Variants in GMDS observed in about 807,000 individuals in gnomAD.
GMDS encodes the protein GDP-mannose 4,6 dehydratase.
A neutral mutation model predicts 49.9 loss-of-function variants in GMDS; 20 were observed. The observed-to-expected ratio is 0.40, with a 90% confidence interval of 0.28 to 0.58. The LOEUF (loss-of-function observed/expected upper bound fraction) is 0.58, where lower values mean the gene tolerates loss of function less well. Among genes scored for constraint, GMDS ranks in the 20% least tolerant of loss-of-function variants. The pLI is 0.42. For missense variants in GMDS, 362 were observed against 481.4 expected, an observed-to-expected ratio of 0.75 and a Z score of 2.32; for synonymous variants, 177 against 178.6, an observed-to-expected ratio of 0.99 and a Z score of 0.07.
At position 1,640,580 on chromosome 6, in the gene GMDS, G is replaced by A. The variant is rs934546012; in HGVS notation, c.988-16040C>T. On this transcript the variant is annotated intron_variant, in intron 9 of 10. Coordinates refer to ENST00000380815, the MANE Select transcript of GMDS (RefSeq NM_001500.4). The surrounding 1 kb of genome is among the most constrained non-coding windows in gnomAD (Gnocchi z 4.0). ...ATGTGGCTGTGCCTTCTAGGTGCCC[G>A]TTTTGGAGAGAATACATTTCTTATA... Among the ~76,000 whole-genome samples, 12 of 152,170 alleles carry A rather than the reference G, an allele frequency of 7.9e-5. No homozygotes were observed. Among genetic ancestry groups the A allele is most frequent in the African/African-American group, 1.9e-4 (8 of 41,436 alleles).
chr6:1,957,761 T>A (rs761729358), intron 6 of GMDS, among the ~76,000 whole-genome samples: 3 of 152,214 alleles, frequency 2.0e-5, no homozygotes, highest in Admixed American at 6.5e-5. Context: ...AAAATTTTAT[T>A]TTAAATGAAG....
At chr6:1,730,235 C>T (rs1324261045) in intron 8 of GMDS, among the ~76,000 whole-genome samples, 1 of 152,202 alleles carries the variant, frequency 6.6e-6, no homozygotes, top group Non-Finnish European at 1.5e-5. Context: ...GGTTTTCACA[C>T]ACTTTTGCTC....
chr6:1,726,743 G>A (rs535165340), intron 8 of GMDS, among the ~76,000 whole-genome samples: 40 of 152,262 alleles, frequency 2.6e-4, no homozygotes, highest in African/African-American at 6.7e-4. Flanking sequence ...AAATCATGAC[G>A]AATTCAGAAG....
At chr6:1,746,016 C>T (rs370936250) in intron 7 of GMDS, among the ~76,000 whole-genome samples, 2 of 152,332 alleles carry the variant, frequency 1.3e-5, no homozygotes, top group South Asian at 4.1e-4. Context: ...CCTCCTTATA[C>T]AGCTGCACAC....
intron 2 of GMDS, 106 bp downstream of exon 2, chr6:2,124,581 G>A (rs991688087): frequency 3.9e-5 from 33 of 843,240 alleles, no homozygotes; most frequent in Admixed American, 3.7e-4. Flanking sequence ...TGTTATCTGC[G>A]TTTCAGTGGA....
At chr6:1,995,452 A>T (rs552992572) in intron 4 of GMDS, among the ~76,000 whole-genome samples, 304 of 152,298 alleles carry the variant, frequency 2.0e-3, no homozygotes, top group African/African-American at 7.2e-3. Flanking sequence ...CAAAAACTCC[A>T]ATAGAGAGTG....
At chr6:1,816,482 G>T (rs1308665941) in intron 7 of GMDS, among the ~76,000 whole-genome samples, 1 of 152,042 alleles carries the variant, frequency 6.6e-6, no homozygotes, top group Non-Finnish European at 1.5e-5. Context: ...CCATTAATTC[G>T]ATTTATTCAT....
chr6:1,827,076 ATATGTGTGTGTGTGTGTGTGTGTGTG>A lies in GMDS; in HGVS notation c.772-84516_772-84491del, dbSNP rs1771145369. On this transcript the variant is annotated intron_variant, in intron 7 of 10. Transcript: ENST00000380815. ...GCTACGCTGTCTCTTAAAAAAATAT[ATATGTGTGTGTGTGTGTGTGTGTGTG>A]TGTGTGTGTGTGTGTGTGTATGTGT... is the stretch of plus-strand genomic sequence containing the variant. 2.7e-5 allele frequency among the ~76,000 whole-genome samples: 3 copies of A among 111,116 alleles called. No homozygotes were observed. In the Admixed American group the frequency reaches 2.8e-4, roughly 10 times the overall value. The allele number at this position is 111,116 out of a possible 152,430, so 72.9% of individuals were successfully genotyped here. A position where few individuals can be genotyped will look rare whatever the true frequency, so the allele number is the denominator to read the frequency against.
chr6:1,932,823 C>A (rs1037601670), intron 6 of GMDS, among the ~76,000 whole-genome samples: 1 of 152,196 alleles, frequency 6.6e-6, no homozygotes, highest in Non-Finnish European at 1.5e-5. Context: ...CAGGCATGAG[C>A]CACCGCGCCC....
In GMDS at chr6:2,029,089, A is replaced by T. The variant is rs764975933; in HGVS notation, c.346-68123T>A. Among the ~76,000 whole-genome samples the T allele has an allele frequency of 2.0e-5, 3 of 151,986 alleles. 1 individual carries two copies. The highest frequency in any genetic ancestry group is 4.4e-5 in the Non-Finnish European group (3 of 67,994). ...AAATAGATAATTATATATGTTTAAG[A>T]ACTGGAAAGCATTTTGTTAAAGTTT... On this transcript the variant is annotated intron_variant, in intron 4 of 10. Coordinates refer to ENST00000380815, the MANE Select transcript of GMDS (RefSeq NM_001500.4).
intron 7 of GMDS, among the ~76,000 whole-genome samples, chr6:1,804,590 T>C (rs918566244): frequency 5.3e-5 from 8 of 152,262 alleles, no homozygotes; most frequent in African/African-American, 1.7e-4. Context: ...TCAGATCTCC[T>C]ATGTGTCATG....
At chr6:1,729,232 G>T (rs1766702588) in intron 8 of GMDS, among the ~76,000 whole-genome samples, 1 of 152,170 alleles carries the variant, frequency 6.6e-6, no homozygotes, top group Admixed American at 6.5e-5. Flanking sequence ...AAGGCTGAAG[G>T]AGAAACACTC....
At chr6:1,789,645 C>G (rs1247969700) in intron 7 of GMDS, among the ~76,000 whole-genome samples, 1 of 151,782 alleles carries the variant, frequency 6.6e-6, no homozygotes, top group Non-Finnish European at 1.5e-5. Flanking sequence ...AAGCAATCCT[C>G]CCACCTTAGC....
At chr6:2,120,204 A>T (rs1428539742) in intron 2 of GMDS, among the ~76,000 whole-genome samples, 1 of 152,174 alleles carries the variant, frequency 6.6e-6, no homozygotes, top group Non-Finnish European at 1.5e-5. Context: ...CCTTACTATA[A>T]TATTACTGGT....
intron 1 of GMDS, among the ~76,000 whole-genome samples, chr6:2,159,728 A>C (rs1777296389): frequency 6.6e-6 from 1 of 151,500 alleles, no homozygotes; most frequent in South Asian, 2.1e-4. Flanking sequence ...CATGTTGGCC[A>C]AGCTGGTTTC....
At chr6:2,024,393 C>T (rs142147093) in intron 4 of GMDS, among the ~76,000 whole-genome samples, 139 of 152,102 alleles carry the variant, frequency 9.1e-4, no homozygotes, top group African/African-American at 3.1e-3. Flanking sequence ...CATATGGATA[C>T]ATCTAAAGAA....
chr6:2,235,400 C>T (rs1451182529), intron 1 of GMDS, among the ~76,000 whole-genome samples: 1 of 152,128 alleles, frequency 6.6e-6, no homozygotes, highest in African/African-American at 2.4e-5. Context: ...AGGGACAATG[C>T]CTAATTCATT....
chr6:2,048,545 T>A (rs192396595), intron 4 of GMDS, among the ~76,000 whole-genome samples: 1 of 152,230 alleles, frequency 6.6e-6, no homozygotes, highest in African/African-American at 2.4e-5. Context: ...ATATATATTT[T>A]GTAATCAACT....
intron 1 of GMDS, among the ~76,000 whole-genome samples, chr6:2,215,417 AG>A: frequency 6.6e-6 from 1 of 152,294 alleles, no homozygotes; most frequent in East Asian, 1.9e-4. Context: ...GCCAAGCAAA[AG>A]GGTTTCCCTT....
Sources: allele counts gnomAD v4.1 joint callset (sites outside exome capture counted in the v4.1 genomes callset), GRCh38; gene constraint gnomAD v4.1.1; non-coding constraint Gnocchi (gnomAD v3.1); transcripts MANE v1.5; gene names NCBI Gene and HGNC (gene_info 2026-07-23, HGNC 2026-07-21).